Variants in UBE2G1 observed in about 807,000 individuals in gnomAD.
The protein encoded by UBE2G1 is ubiquitin conjugating enzyme E2 G1.
UBE2G1 carries 5 observed loss-of-function variants against 22.7 expected under a neutral mutation model. The observed-to-expected ratio is 0.22, with a 90% CI of 0.12 to 0.46. The LOEUF (loss-of-function observed/expected upper bound fraction) is 0.46, where lower values mean the gene tolerates loss of function less well. Ranked by LOEUF, UBE2G1 falls within the 20% of genes least tolerant of loss-of-function variation. UBE2G1 has a pLI of 0.99. For missense variants in UBE2G1, 88 were observed against 203.9 expected (o/e 0.43, Z 3.46); for synonymous variants, 74 against 67.5 (o/e 1.10, Z -0.47).
intron 5 of UBE2G1, among the ~76,000 whole-genome samples, chr17:4,274,388 G>A (rs541534742): frequency 3.3e-5 from 5 of 152,126 alleles, no homozygotes; most frequent in African/African-American, 1.2e-4. Flanking sequence ...TAGTAGAGAC[G>A]GGGTTTCACT....
chr17:4,327,697 TG>T (rs747657719), intron 1 of UBE2G1, among the ~76,000 whole-genome samples: 2 of 152,128 alleles, frequency 1.3e-5, no homozygotes, highest in Non-Finnish European at 2.9e-5. Flanking sequence ...ACACATCAAA[TG>T]GAAGCCAAGC....
At chr17:4,313,880 A>G (rs1969338856) in intron 1 of UBE2G1, among the ~76,000 whole-genome samples, 1 of 152,158 alleles carries the variant, frequency 6.6e-6, no homozygotes, top group Admixed American at 6.5e-5. Context: ...AGCCATGAAT[A>G]AAAAGGAAAC....
At chr17:4,355,889 G>A (rs1802197979) in intron 1 of UBE2G1, among the ~76,000 whole-genome samples, 2 of 147,810 alleles carry the variant, frequency 1.4e-5, no homozygotes. Flanking sequence ...TAGTAGAGAT[G>A]GGGTTTCTCC....
At chr17:4,282,361 G>A (rs1968904422) in intron 5 of UBE2G1, among the ~76,000 whole-genome samples, 1 of 152,144 alleles carries the variant, frequency 6.6e-6, no homozygotes, top group Non-Finnish European at 1.5e-5. Context: ...GGGATTACAG[G>A]CATGAGCCAC....
chr17:4,328,311 T>C (rs1434249646), intron 1 of UBE2G1, among the ~76,000 whole-genome samples: 6 of 152,174 alleles, frequency 3.9e-5, no homozygotes, highest in Admixed American at 3.9e-4. Context: ...TTAAAGTAAA[T>C]GTACAAGGTG....
At chr17:4,346,868 C>G (rs1237745029) in intron 1 of UBE2G1, among the ~76,000 whole-genome samples, 1 of 151,900 alleles carries the variant, frequency 6.6e-6, no homozygotes, top group Non-Finnish European at 1.5e-5. Flanking sequence ...TAATGTAGCA[C>G]AGGATCAGAC....
chr17:4,356,051 A>T (rs1306938438), intron 1 of UBE2G1, among the ~76,000 whole-genome samples: 20 of 58,346 alleles, frequency 3.4e-4, no homozygotes, highest in African/African-American at 1.5e-3. Context: ...TTTCACTTTA[A>T]AAAAAAAAAA....
At chr17:4,337,162 T>C (rs926462538) in intron 1 of UBE2G1, among the ~76,000 whole-genome samples, 4 of 151,940 alleles carry the variant, frequency 2.6e-5, no homozygotes, top group African/African-American at 9.7e-5. Flanking sequence ...CTGGTACGAC[T>C]GGGCCTAGCG....
intron 1 of UBE2G1, among the ~76,000 whole-genome samples, chr17:4,311,099 AC>A (rs1969305512): frequency 6.6e-6 from 1 of 152,096 alleles, no homozygotes; most frequent in African/African-American, 2.4e-5. Flanking sequence ...AGTGATGTGC[AC>A]CTACAGTCCC....
At chr17:4,320,528 T>C (rs577471631) in intron 1 of UBE2G1, among the ~76,000 whole-genome samples, 195 of 152,314 alleles carry the variant, frequency 1.3e-3, no homozygotes, top group African/African-American at 4.5e-3. Context: ...CACTGAAAGG[T>C]GGATGCAAGG....
intron 2 of UBE2G1, among the ~76,000 whole-genome samples, chr17:4,299,913 G>A (rs1264924712): frequency 6.8e-6 from 1 of 147,898 alleles, no homozygotes; most frequent in Non-Finnish European, 1.5e-5. Flanking sequence ...TGCAAGCTCT[G>A]CCTCCCGGGT....
intron 2 of UBE2G1, among the ~76,000 whole-genome samples, chr17:4,297,472 T>C (rs1406985334): frequency 1.3e-5 from 2 of 152,178 alleles, no homozygotes; most frequent in African/African-American, 4.8e-5. Flanking sequence ...ACTTGAAATA[T>C]GCCCTGTGAC....
chr17:4,366,410 G>A lies in UBE2G1; in HGVS notation c.-94C>T, dbSNP rs1406937484. On this transcript the variant is annotated 5_prime_UTR_variant, in exon 1 of 6. Coordinates refer to ENST00000396981, the MANE Select transcript of UBE2G1 (RefSeq NM_003342.5). ...TGGAGCGGGGTGTGCCGAGGAACCC[G>A]GGCCCCGCGACCGGAGCGCCGGAGC... 1.6e-6 allele frequency: 2 copies of A among 1,276,688 alleles called. No individual in the cohort carries two copies. Among genetic ancestry groups the A allele is most frequent in the Non-Finnish European group, 2.0e-6 (2 of 991,290 alleles). The allele number at this position is 1,276,688 out of a possible 1,614,324, so 79.1% of individuals were successfully genotyped here.
Position 4,289,391 on chromosome 17 carries a change from C to A in UBE2G1, c.265G>T (p.Val89Leu). Residue 89 changes from valine to leucine, a missense_variant, in exon 4 of 6, where the codon GTG becomes TTG. Transcript: ENST00000396981. ...WHPNVDKNGDVCISILHEPGE... is the reference protein window; with the variant it reads ...WHPNVDKNGDLCISILHEPGE... ...GGCTCATGAAGAATAGAAATGCACA[C>A]ATCACCATTTTTATCAACTGCAAAA... 6.6e-7 allele frequency: 1 copy of A among 1,522,188 alleles called. No individual in the cohort carries two copies. Among genetic ancestry groups the A allele is most frequent in the Non-Finnish European group, 8.8e-7 (1 of 1,132,828 alleles). The allele number at this position is 1,522,188 out of a possible 1,614,324, so 94.3% of individuals were successfully genotyped here.
chr17:4,304,458 A>C (rs559909089), intron 2 of UBE2G1, among the ~76,000 whole-genome samples: 1 of 152,326 alleles, frequency 6.6e-6, no homozygotes, highest in South Asian at 2.1e-4. Flanking sequence ...GGACTACTGC[A>C]CTGGAAAGAC....
intron 1 of UBE2G1, among the ~76,000 whole-genome samples, chr17:4,348,220 T>C (rs1969802499): frequency 6.6e-6 from 1 of 151,932 alleles, no homozygotes; most frequent in Non-Finnish European, 1.5e-5. Flanking sequence ...ACCACACCAC[T>C]GCACTCCAGT....
At chr17:4,312,861 G>C (rs1335688788) in intron 1 of UBE2G1, among the ~76,000 whole-genome samples, 1 of 151,888 alleles carries the variant, frequency 6.6e-6, no homozygotes, top group African/African-American at 2.4e-5. Flanking sequence ...GGCCACAGTT[G>C]CCCTCGGCAT....
chr17:4,290,644 CTT>C (rs372483601), intron 3 of UBE2G1, among the ~76,000 whole-genome samples: 2 of 138,250 alleles, frequency 1.4e-5, no homozygotes. Flanking sequence ...GCTAACCTGA[CTT>C]TTTTTTTTTT....
chr17:4,294,016 ATT>A (rs1444245348), intron 3 of UBE2G1, among the ~76,000 whole-genome samples: 3 of 152,058 alleles, frequency 2.0e-5, no homozygotes, highest in Admixed American at 6.6e-5. Flanking sequence ...ATTTTTTGTC[ATT>A]TTCTCTTTTT....
Sources: allele counts gnomAD v4.1 joint callset (sites outside exome capture counted in the v4.1 genomes callset), GRCh38; gene constraint gnomAD v4.1.1; transcripts MANE v1.5; gene names NCBI Gene and HGNC (gene_info 2026-07-23, HGNC 2026-07-21).